Variants in SLC22A23 observed in about 807,000 individuals in gnomAD.
SLC22A23 encodes the protein ion transporter protein.
SLC22A23 carries 26 observed loss-of-function variants against 61.0 expected under a neutral mutation model. The ratio of observed to expected loss-of-function variants is 0.43; its 90% CI spans 0.31 to 0.59. SLC22A23 has a LOEUF of 0.59. Ranked by LOEUF, SLC22A23 falls within the 20% of genes least tolerant of loss-of-function variation. The pLI is 0.11. For synonymous variants in SLC22A23, 430 were observed against 413.9 expected (o/e 1.04, Z -0.47); for missense variants, 796 against 934.7 (o/e 0.85, Z 1.94).
chr6:3,288,147 T>C (rs1198076678), intron 6 of SLC22A23, among the ~76,000 whole-genome samples: 1 of 152,164 alleles, frequency 6.6e-6, no homozygotes, highest in Non-Finnish European at 1.5e-5. Flanking sequence ...CTGATGGCCA[T>C]CCATGGGGTG....
rs370232474 is a variant in SLC22A23 at position 3,286,935 on chromosome 6, G to A, written c.1470C>T (p.Leu490=). Residue 490 remains leucine, a synonymous_variant, in exon 7 of 10, where the codon CTC becomes CTT. Coordinates refer to ENST00000406686, the MANE Select transcript of SLC22A23 (RefSeq NM_015482.2). The surrounding 1 kb of genome is among the most constrained non-coding windows in gnomAD (Gnocchi z 4.2). ...CLAMCVVVRF[L]GRRGGLLLFM... is the part of the protein sequence containing the mutation. ...AGAGCAGCAGCCCTCCCCTGCGCCCGAGGAATCGGACCACCACGCACATGG... is the reference window on the plus strand; with the variant it reads ...AGAGCAGCAGCCCTCCCCTGCGCCCAAGGAATCGGACCACCACGCACATGG... The A allele has an allele frequency of 8.5e-5, 137 of 1,613,832 alleles. No homozygotes were observed. The highest frequency in any genetic ancestry group is 1.8e-4 in the East Asian group (8 of 44,900).
At position 3,427,009 on chromosome 6, in the gene SLC22A23, T is replaced by A. The variant is rs115035001; in HGVS notation, c.655-11154A>T. 8.5e-5 allele frequency among the ~76,000 whole-genome samples: 13 copies of A among 152,216 alleles called. No individual in the cohort carries two copies. The highest frequency in any genetic ancestry group is 2.4e-4 in the African/African-American group (10 of 41,444). ...GTAGCATGGAATTCAGAGCCTAAAG[T>A]GGGGTCTGAGCCAGCTTGCGAATGT... On this transcript the variant is annotated intron_variant, in intron 1 of 9. Coordinates refer to ENST00000406686, the MANE Select transcript of SLC22A23 (RefSeq NM_015482.2). The surrounding 1 kb of genome is among the most constrained non-coding windows in gnomAD (Gnocchi z 4.3).
chr6:3,417,250 C>T (rs1182281966), intron 1 of SLC22A23, among the ~76,000 whole-genome samples: 11 of 152,150 alleles, frequency 7.2e-5, no homozygotes, highest in Non-Finnish European at 1.2e-4. Context: ...ACTGGCTCGC[C>T]GATGCCCCCA....
At chr6:3,280,458 TTG>T (rs1759341499) in intron 9 of SLC22A23, among the ~76,000 whole-genome samples, 1 of 100,328 alleles carries the variant, frequency 1.0e-5, no homozygotes. Context: ...TACTCAGTAC[TTG>T]TTTTCAGATG....
chr6:3,447,377 CCTTT>C (rs1771946223), intron 1 of SLC22A23, among the ~76,000 whole-genome samples: 2 of 152,070 alleles, frequency 1.3e-5, no homozygotes, highest in African/African-American at 4.8e-5. Context: ...CTCTCAATTC[CCTTT>C]CTTTCTACAC....
intron 1 of SLC22A23, among the ~76,000 whole-genome samples, chr6:3,418,927 T>A (rs2127526831): frequency 6.6e-6 from 1 of 152,274 alleles, no homozygotes; most frequent in Non-Finnish European, 1.5e-5. Context: ...GACAAAAATG[T>A]GTCGGGAAAA....
chr6:3,397,126 T>C (rs1581813981), intron 3 of SLC22A23, among the ~76,000 whole-genome samples: 2 of 152,316 alleles, frequency 1.3e-5, no homozygotes, highest in East Asian at 3.9e-4. Context: ...AGCAGGGCAC[T>C]GGAAGAGTGA....
chr6:3,393,154 G>C (rs551302724), intron 3 of SLC22A23, among the ~76,000 whole-genome samples: 41 of 152,270 alleles, frequency 2.7e-4, no homozygotes, highest in African/African-American at 9.6e-4. Flanking sequence ...GGAGGCTGTG[G>C]GTTATCTTAT....
At position 3,360,280 on chromosome 6, in the gene SLC22A23, GAT is replaced by G; in HGVS notation, c.914-36280_914-36279del. Among the ~76,000 whole-genome samples, 1 of 152,302 alleles carries G rather than the reference GAT, an allele frequency of 6.6e-6. No homozygotes were observed. The highest frequency in any genetic ancestry group is 2.1e-4 in the South Asian group (1 of 4,826). On this transcript the variant is annotated intron_variant, in intron 3 of 9. Transcript: ENST00000406686. This position sits in a 1 kb window ranked among gnomAD's most constrained non-coding sequence, Gnocchi z 4.6. ...TTTTATGCTATGTTTATTTTACCAT[GAT>G]AAAACAAACACCCCCCTCCAAATAA...
At chr6:3,325,275 G>C (rs1763213514) in intron 3 of SLC22A23, among the ~76,000 whole-genome samples, 1 of 152,184 alleles carries the variant, frequency 6.6e-6, no homozygotes, top group Non-Finnish European at 1.5e-5. Flanking sequence ...GAGGTCAGAA[G>C]GCAATAAGGG....
In SLC22A23 at chr6:3,269,334, T is replaced by C. The variant is rs1758325510; in HGVS notation, c.*3721A>G. The C allele has an allele frequency of 6.6e-6, 1 of 152,294 alleles. No homozygotes were observed. The highest frequency in any genetic ancestry group is 6.5e-5 in the Admixed American group (1 of 15,286). The allele number at this position is 152,294 out of a possible 1,614,324, so 9.4% of individuals were successfully genotyped here. Reference sequence around the variant, plus strand: ...AGTGAAGACACAGCTTACAGAGGCGTTCAAAGTAGTGACGCAGTGAGGTCT... The same window carrying C: ...AGTGAAGACACAGCTTACAGAGGCGCTCAAAGTAGTGACGCAGTGAGGTCT... On this transcript the variant is annotated 3_prime_UTR_variant, in exon 10 of 10. Coordinates refer to ENST00000406686, the MANE Select transcript of SLC22A23 (RefSeq NM_015482.2).
chr6:3,403,141 T>C (rs1768546368), intron 3 of SLC22A23, among the ~76,000 whole-genome samples: 2 of 151,460 alleles, frequency 1.3e-5, no homozygotes, highest in South Asian at 4.2e-4. Context: ...TCCCACTAGA[T>C]ACATTTGGAT....
chr6:3,444,743 A>G (rs1428529972), intron 1 of SLC22A23: 1 of 951,890 alleles, frequency 1.1e-6, no homozygotes, highest in Non-Finnish European at 1.3e-6. Context: ...TTAGACACAT[A>G]AACCCTGTAG....
chr6:3,329,725 G>A lies in SLC22A23; in HGVS notation c.914-5723C>T, dbSNP rs866610415. ...AACGACACTCACGAAGCACTCGAGC[G>A]CACCTGGCTCATACTGAAGCCACGG... On this transcript the variant is annotated intron_variant, in intron 3 of 9. Transcript: ENST00000406686. The surrounding 1 kb of genome is among the most constrained non-coding windows in gnomAD (Gnocchi z 4.8). 2.0e-5 allele frequency among the ~76,000 whole-genome samples: 3 copies of A among 152,268 alleles called. No individual in the cohort carries two copies. The highest frequency in any genetic ancestry group is 2.9e-5 in the Non-Finnish European group (2 of 68,026).
At position 3,282,192 on chromosome 6, in the gene SLC22A23, GT is replaced by G. The variant is rs968888515; in HGVS notation, c.1703+1659del. ...GTCTATTGAAAGACTTGGCTTTGCT[GT>G]TTTGTTTGATAAAGGAGAGAAATTT... On this transcript the variant is annotated intron_variant, in intron 9 of 9. Transcript: ENST00000406686. 1.1e-5 allele frequency: 8 copies of G among 702,428 alleles called. No individual in the cohort carries two copies. The African/African-American group carries it at 1.4e-4, about 12-fold the overall frequency. 43.5% of individuals were successfully genotyped at this position (702,428 alleles called of 1,614,324 possible). A position where few individuals can be genotyped will look rare whatever the true frequency, so the allele number is the denominator to read the frequency against.
intron 1 of SLC22A23, chr6:3,432,097 G>T: frequency 3.6e-6 from 2 of 557,128 alleles, no homozygotes; most frequent in Non-Finnish European, 4.6e-6. Context: ...TCTCTACCTT[G>T]GAAATTAGGT....
intron 4 of SLC22A23, among the ~76,000 whole-genome samples, chr6:3,310,974 G>A (rs1420082750): frequency 6.6e-6 from 1 of 152,174 alleles, no homozygotes; most frequent in Admixed American, 6.5e-5. Flanking sequence ...TAGTTGCAGG[G>A]CGATACCTGT....
At chr6:3,351,657 C>T (rs1318432060) in intron 3 of SLC22A23, among the ~76,000 whole-genome samples, 1 of 142,186 alleles carries the variant, frequency 7.0e-6, no homozygotes, top group East Asian at 2.4e-4. Context: ...CGCCTAAGAA[C>T]ACGTCACTGG....
At chr6:3,394,346 G>C (rs931765941) in intron 3 of SLC22A23, among the ~76,000 whole-genome samples, 3 of 152,224 alleles carry the variant, frequency 2.0e-5, no homozygotes, top group Admixed American at 2.0e-4. Context: ...GTGGTTGGTG[G>C]GCTCTAGACT....
Sources: gnomAD v4.1 joint callset for allele counts (sites outside exome capture counted in the v4.1 genomes callset) on GRCh38, gnomAD v4.1.1 for gene constraint, Gnocchi (gnomAD v3.1) non-coding constraint, MANE v1.5 for transcripts, NCBI Gene and HGNC (gene_info 2026-07-23, HGNC 2026-07-21) for gene names.